IQANK1: variants seen among roughly 807,000 people sequenced by gnomAD.
The protein encoded by IQANK1 is IQ motif and ankyrin repeat containing 1.
Under a neutral mutation model 22.6 loss-of-function variants are expected in IQANK1, and 30 were observed. The ratio of observed to expected loss-of-function variants is 1.33; its 90% CI spans 0.99 to 1.80. The LOEUF (loss-of-function observed/expected upper bound fraction) is 1.80, where lower values mean the gene tolerates loss of function less well. IQANK1 is among the 40% of genes most tolerant of loss of function. The pLI, the probability that IQANK1 is intolerant of heterozygous loss-of-function variation, is 0.00. For missense variants in IQANK1, 275 were observed against 235.2 expected (o/e 1.17, Z -1.11); for synonymous variants, 122 against 99.6 (o/e 1.23, Z -1.34).
At chr8:143,741,133 G>A (rs782044853) in intron 3 of IQANK1, among the ~76,000 whole-genome samples, 6 of 152,180 alleles carry the variant, frequency 3.9e-5, no homozygotes, top group African/African-American at 1.2e-4. Flanking sequence ...CCAAGAGGCC[G>A]CTCTTCTGCT....
intron 3 of IQANK1, among the ~76,000 whole-genome samples, chr8:143,763,315 G>T (rs1301315110): frequency 6.6e-6 from 1 of 152,198 alleles, no homozygotes; most frequent in Admixed American, 6.5e-5. Flanking sequence ...TGCCCGGCCT[G>T]GCTTTTCTTA....
chr8:143,773,272 A>C (rs1308868461), intron 7 of IQANK1, among the ~76,000 whole-genome samples: 1 of 148,712 alleles, frequency 6.7e-6, no homozygotes, highest in Non-Finnish European at 1.5e-5. Flanking sequence ...GCGCCACTGC[A>C]CTCCAGCCTG....
intron 7 of IQANK1, among the ~76,000 whole-genome samples, chr8:143,783,506 A>G (rs1188043410): frequency 1.3e-5 from 2 of 152,140 alleles, no homozygotes; most frequent in African/African-American, 2.4e-5. Flanking sequence ...AATTACATGT[A>G]TTATAGGTGT....
chr8:143,782,508 C>T (rs1292092893), intron 7 of IQANK1, among the ~76,000 whole-genome samples: 3 of 151,750 alleles, frequency 2.0e-5, no homozygotes, highest in Non-Finnish European at 2.9e-5. Context: ...GACAGAGTTT[C>T]GCTCTTGTTG....
chr8:143,748,771 TATAA>T (rs1554627583), intron 3 of IQANK1, among the ~76,000 whole-genome samples: 4 of 104,338 alleles, frequency 3.8e-5, no homozygotes, highest in African/African-American at 8.0e-5. Context: ...ATATATAATA[TATAA>T]ATATATCATA....
At chr8:143,788,771 G>A (rs1333990116) in intron 7 of IQANK1, 144 bp from the exon 8 acceptor site, 5 of 397,030 alleles carry the variant, frequency 1.3e-5, no homozygotes, top group African/African-American at 2.1e-5. Flanking sequence ...ATGCTTTGGG[G>A]CCCACCACGC....
rs1554625490 is a variant in IQANK1 at position 143,735,229 on chromosome 8, G to C, written c.-4-621G>C. Among the ~76,000 whole-genome samples, 1 of 152,236 alleles carries C rather than the reference G, an allele frequency of 6.6e-6. No homozygotes were observed. The highest frequency in any genetic ancestry group is 2.4e-5 in the African/African-American group (1 of 41,460). ...GCGGGTGAGGGGCATGGGGCACCGG[G>C]GAGGACCCGGACAGGCTGGGGCAGG... On this transcript the variant is annotated intron_variant, in intron 1 of 13. Transcript: ENST00000527139. This position sits in a 1 kb window ranked among gnomAD's most constrained non-coding sequence, Gnocchi z 5.2.
chr8:143,789,873 G>A lies in IQANK1; in HGVS notation c.1195+4G>A. 8.1e-7 allele frequency: 1 copy of A among 1,232,030 alleles called. No homozygotes were observed. The highest frequency in any genetic ancestry group is 1.0e-6 in the Non-Finnish European group (1 of 988,060). 76.3% of individuals were successfully genotyped at this position (1,232,030 alleles called of 1,614,324 possible). A position where few individuals can be genotyped will look rare whatever the true frequency, so the allele number is the denominator to read the frequency against. ...CTTCGGGAGCAGACGCAGGAGGGTG[G>A]GCCTGGCATGGGGCGCCGGCTGGGG... On this transcript the variant is annotated splice_donor_region_variant and intron_variant, in intron 11 of 13. Coordinates refer to ENST00000527139, the MANE Select transcript of IQANK1 (RefSeq NM_001381874.1).
intron 3 of IQANK1, among the ~76,000 whole-genome samples, chr8:143,763,130 C>T (rs999868818): frequency 2.6e-5 from 4 of 152,142 alleles, no homozygotes; most frequent in Admixed American, 6.5e-5. Flanking sequence ...ATTCTCCTGC[C>T]TCAGCCCCCT....
chr8:143,740,358 C>T (rs1282500455), intron 3 of IQANK1, among the ~76,000 whole-genome samples: 1 of 152,196 alleles, frequency 6.6e-6, no homozygotes, highest in East Asian at 1.9e-4. Flanking sequence ...GGGCCCGGAT[C>T]GCCTTCTCAG....
intron 3 of IQANK1, among the ~76,000 whole-genome samples, chr8:143,743,661 ATTT>A (rs1818968812): frequency 6.6e-6 from 1 of 152,226 alleles, no homozygotes; most frequent in Non-Finnish European, 1.5e-5. Context: ...CTGGCAGGAC[ATTT>A]AACACCAGAA....
chr8:143,738,683 G>A (rs1467892311), intron 2 of IQANK1, among the ~76,000 whole-genome samples: 1 of 152,186 alleles, frequency 6.6e-6, no homozygotes, highest in Non-Finnish European at 1.5e-5. Context: ...GCCCTGGGCG[G>A]CACCAATGCC....
intron 3 of IQANK1, chr8:143,742,382 G>A (rs1335732120): frequency 6.6e-6 from 3 of 455,860 alleles, no homozygotes; most frequent in African/African-American, 6.0e-5. Context: ...GGCTGGAGTT[G>A]GTGTGGGAGC....
rs56002701 is a variant in IQANK1 at position 143,750,944 on chromosome 8, TTGTGTG to T, written c.175+11014_175+11019del. 5.6e-3 allele frequency among the ~76,000 whole-genome samples: 834 copies of T among 149,798 alleles called. 4 individuals are homozygous for T. Among genetic ancestry groups the T allele is most frequent in the Non-Finnish European group, 7.2e-3 (484 of 67,398 alleles). ...TCATTTCCTGAATTACTGTCTTCTT[TTGTGTG>T]TGTGTGTGTGTGTGTGTTTTTTTGT... On this transcript the variant is annotated intron_variant, in intron 3 of 13. Coordinates refer to ENST00000527139, the MANE Select transcript of IQANK1 (RefSeq NM_001381874.1).
chr8:143,737,044 G>T (rs868936620), intron 2 of IQANK1, among the ~76,000 whole-genome samples: 2 of 152,146 alleles, frequency 1.3e-5, no homozygotes, highest in South Asian at 4.1e-4. Context: ...TGGGATGATG[G>T]TGACCGCTCC....
At position 143,735,718 on chromosome 8, in the gene IQANK1, C is replaced by T. The variant is rs566471525; in HGVS notation, c.-4-132C>T. 6.7e-5 allele frequency: 42 copies of T among 629,168 alleles called. 1 individual carries two copies. Among genetic ancestry groups the T allele is most frequent in the Non-Finnish European group, 1.1e-4 (39 of 344,368 alleles). The allele number at this position is 629,168 out of a possible 1,614,324, so 39.0% of individuals were successfully genotyped here. The stretch of plus-strand genomic sequence containing the variant: ...GGCAGACAGGACACCAGCTGGGAAG[C>T]CTCAGGGGAGCCCATGTTCCTGCTG... On this transcript the variant is annotated intron_variant, in intron 1 of 13. Coordinates refer to ENST00000527139, the MANE Select transcript of IQANK1 (RefSeq NM_001381874.1). The surrounding 1 kb of genome is among the most constrained non-coding windows in gnomAD (Gnocchi z 5.2).
In IQANK1 at chr8:143,763,172, C is replaced by G. The variant is rs575213442; in HGVS notation, c.176-8316C>G. 9.2e-5 allele frequency among the ~76,000 whole-genome samples: 14 copies of G among 152,114 alleles called. No homozygotes were observed. The South Asian group carries it at 2.9e-3, about 32-fold the overall frequency. On this transcript the variant is annotated intron_variant, in intron 3 of 13. Transcript: ENST00000527139. ...CTGGGATTACAGGCGCCCGCCACCA[C>G]GCCTGGCTAATTTTTGTATTTTTAT...
rs141313548 is a variant in IQANK1 at position 143,767,374 on chromosome 8, A to C, written c.176-4114A>C. Among the ~76,000 whole-genome samples the C allele has an allele frequency of 3.3e-4, 51 of 152,328 alleles. 1 individual carries two copies. Among genetic ancestry groups the C allele is most frequent in the Admixed American group, 8.5e-4 (13 of 15,298 alleles). ...TGTGTGTGTGTGTTTGCTCATGTGT[A>C]TAGAGATCTTGTGTGTATCTTTGTC... On this transcript the variant is annotated intron_variant, in intron 3 of 13. Coordinates refer to ENST00000527139, the MANE Select transcript of IQANK1 (RefSeq NM_001381874.1).
At chr8:143,772,542 G>C (rs1819601756) in intron 7 of IQANK1, 60 bp downstream of exon 7, 1 of 398,748 alleles carries the variant, frequency 2.5e-6, no homozygotes, top group East Asian at 3.6e-5. Flanking sequence ...GTGGGCCTCG[G>C]GAGGTGTGAG....
Sources: gnomAD v4.1 joint callset for allele counts (sites outside exome capture counted in the v4.1 genomes callset) on GRCh38, gnomAD v4.1.1 for gene constraint, Gnocchi (gnomAD v3.1) non-coding constraint, MANE v1.5 for transcripts, NCBI Gene and HGNC (gene_info 2026-07-23, HGNC 2026-07-21) for gene names.